The following TM4SF5 variants were observed in gnomAD, a reference collection of about 807,000 sequenced individuals.
The protein encoded by TM4SF5 is transmembrane 4 L6 family member 5.
TM4SF5 carries 16 observed loss-of-function variants against 22.3 expected under a neutral mutation model. That is an observed-to-expected ratio of 0.72 (90% CI 0.49 to 1.09). The LOEUF (loss-of-function observed/expected upper bound fraction) is 1.09, where lower values mean the gene tolerates loss of function less well. Ranked by LOEUF, TM4SF5 falls within the 50% of genes least tolerant of loss-of-function variation. The pLI is 0.00. For missense variants in TM4SF5, 249 were observed against 266.1 expected (o/e 0.94, Z 0.45); for synonymous variants, 113 against 109.6 (o/e 1.03, Z -0.19).
At chr17:4,780,901 TG>T in intron 2 of TM4SF5, 32 bp downstream of exon 2, 1 of 1,591,410 alleles carries the variant, frequency 6.3e-7, no homozygotes, top group South Asian at 1.1e-5. Context: ...AATTCAGGGC[TG>T]GGGGTGGTGT....
At chr17:4,779,307 C>G (rs1425639907) in intron 1 of TM4SF5, among the ~76,000 whole-genome samples, 1 of 148,394 alleles carries the variant, frequency 6.7e-6, no homozygotes, top group Non-Finnish European at 1.5e-5. Flanking sequence ...CGCATGCCTG[C>G]GATACCAGCT....
intron 2 of TM4SF5, among the ~76,000 whole-genome samples, chr17:4,781,986 G>T (rs1160448830): frequency 6.6e-6 from 1 of 152,072 alleles, no homozygotes; most frequent in Non-Finnish European, 1.5e-5. Context: ...AGGGAAGGGT[G>T]GGGTGGGGCC....
At position 4,772,704 on chromosome 17, in the gene TM4SF5, T is replaced by C. The variant is rs1373755826; in HGVS notation, c.177+605T>C. On this transcript the variant is annotated intron_variant, in intron 1 of 4. Coordinates refer to ENST00000270560, the MANE Select transcript of TM4SF5 (RefSeq NM_003963.3). ...AGGGGCGGAGGTGGGGGTTGGTTTT[T>C]GTGTTTGTTTTTTGTTTTTTTTTTT... 2.7e-5 allele frequency among the ~76,000 whole-genome samples: 4 copies of C among 149,874 alleles called. No individual in the cohort carries two copies. In the East Asian group the frequency reaches 7.8e-4, roughly 29 times the overall value.
chr17:4,781,160 A>AAG, intron 2 of TM4SF5, among the ~76,000 whole-genome samples: 1 of 143,552 alleles, frequency 7.0e-6, no homozygotes, highest in South Asian at 2.2e-4. Context: ...AAAAAAAAAA[A>AAG]GAAGAGAAAA....
chr17:4,773,194 C>A (rs531801549), intron 1 of TM4SF5, among the ~76,000 whole-genome samples: 13 of 151,972 alleles, frequency 8.6e-5, no homozygotes, highest in Non-Finnish European at 1.6e-4. Flanking sequence ...TGTGAGCCAC[C>A]GCCCCAGCTT....
intron 1 of TM4SF5, among the ~76,000 whole-genome samples, chr17:4,775,774 G>A (rs912901314): frequency 1.3e-5 from 2 of 152,022 alleles, no homozygotes; most frequent in Admixed American, 1.3e-4. Flanking sequence ...ACCAACAAGC[G>A]TAACCACTAT....
chr17:4,775,963 G>A (rs1310292305), intron 1 of TM4SF5, among the ~76,000 whole-genome samples: 1 of 152,042 alleles, frequency 6.6e-6, no homozygotes, highest in African/African-American at 2.4e-5. Flanking sequence ...TCATGCCTCA[G>A]CCTCCAGAGT....
rs957526576 is a variant in TM4SF5 at position 4,783,124 on chromosome 17, A to G, written c.590A>G (p.His197Arg). ...GDCRKKQDTP[H>R] is the part of the protein sequence containing the mutation. ...TTCTCTTTTCCGCAGGACACACCTC[A>G]CTGAGGCTCCACTGACCGCCGGGTT... The change falls in exon 5 of 5, where the codon CAC (histidine) becomes CGC (arginine). Residue 197 changes from histidine (H) to arginine (R), a missense_variant. By Grantham distance (29) the His-to-Arg change is conservative. Coordinates refer to ENST00000270560, the MANE Select transcript of TM4SF5 (RefSeq NM_003963.3). The G allele has an allele frequency of 3.7e-6, 6 of 1,613,520 alleles. No individual in the cohort carries two copies. The African/African-American group carries it at 8.0e-5, about 22-fold the overall frequency.
intron 1 of TM4SF5, among the ~76,000 whole-genome samples, chr17:4,775,425 A>AT (rs969240020): frequency 4.2e-4 from 61 of 144,340 alleles, no homozygotes; most frequent in South Asian, 6.6e-4. Flanking sequence ...CGCACAGCAA[A>AT]TTTTTTTTTT....
intron 2 of TM4SF5, 127 bp downstream of exon 2, chr17:4,780,996 T>C (rs1917295173): frequency 1.3e-6 from 1 of 749,894 alleles, no homozygotes; most frequent in Non-Finnish European, 2.2e-6. Flanking sequence ...CCAGGAAACA[T>C]GGCAAGATCC....
intron 1 of TM4SF5, among the ~76,000 whole-genome samples, chr17:4,780,075 G>A (rs540255260): frequency 1.5e-4 from 20 of 134,972 alleles, no homozygotes; most frequent in South Asian, 2.4e-4. Flanking sequence ...TTTTTTTTGA[G>A]ATGGAGTTTC....
At chr17:4,776,347 G>C (rs1210544897) in intron 1 of TM4SF5, among the ~76,000 whole-genome samples, 1 of 151,522 alleles carries the variant, frequency 6.6e-6, no homozygotes, top group Non-Finnish European at 1.5e-5. Context: ...TGTCACCCAG[G>C]CTGGAGTACA....
rs1917334241 is a variant in TM4SF5, at chr17:4,782,644, G to A, written c.395+5G>A. ...CTACCACTTCGAAGACACCGCGTAA[G>A]GTTTAGCCTGTATTCGTGTCCTCCA... On this transcript the variant is annotated splice_donor_5th_base_variant and intron_variant, in intron 3 of 4. Coordinates refer to ENST00000270560, the MANE Select transcript of TM4SF5 (RefSeq NM_003963.3). 1.2e-6 allele frequency: 2 copies of A among 1,613,990 alleles called. No homozygotes were observed. The highest frequency in any genetic ancestry group is 1.7e-6 in the Non-Finnish European group (2 of 1,179,996).
chr17:4,780,986 C>A, intron 2 of TM4SF5, 117 bp downstream of exon 2: 1 of 823,622 alleles, frequency 1.2e-6, no homozygotes, highest in Non-Finnish European at 1.9e-6. Context: ...CTAGACCAGC[C>A]CAGGAAACAT....
At chr17:4,775,837 T>G (rs1917194108) in intron 1 of TM4SF5, among the ~76,000 whole-genome samples, 1 of 152,066 alleles carries the variant, frequency 6.6e-6, no homozygotes, top group Non-Finnish European at 1.5e-5. Flanking sequence ...TTTACACAAA[T>G]GGAATGATAG....
At position 4,782,978 on chromosome 17, in the gene TM4SF5, G is replaced by C. The variant is rs774369501; in HGVS notation, c.520G>C (p.Gly174Arg). The change falls in exon 4 of 5, where the codon GGG becomes CGG. Residue 174 changes from glycine to arginine, a missense_variant. Coordinates refer to ENST00000270560, the MANE Select transcript of TM4SF5 (RefSeq NM_003963.3). ...AASCLEIVLC[G>R]IQLVNATIGV... ...CTCCTGCCTGGAGATAGTACTGTGT[G>C]GGATCCAGCTGGTGAACGCGACCAT... 1 of 1,614,256 alleles carries C rather than the reference G, an allele frequency of 6.2e-7. No homozygotes were observed. The highest frequency in any genetic ancestry group is 2.2e-5 in the East Asian group (1 of 44,886).
chr17:4,780,760 G>T (rs773045596), intron 1 of TM4SF5, 29 bp from the exon 2 acceptor site: 2 of 1,586,150 alleles, frequency 1.3e-6, no homozygotes, highest in Non-Finnish European at 8.6e-7. Context: ...CTGGGGGGAC[G>T]TGCTATAACA....
chr17:4,779,293 A>G (rs545292712), intron 1 of TM4SF5, among the ~76,000 whole-genome samples: 5 of 150,370 alleles, frequency 3.3e-5, no homozygotes, highest in African/African-American at 9.8e-5. Flanking sequence ...GCTGGGAATG[A>G]TGACGCATGC....
chr17:4,774,124 G>A (rs1338100771), intron 1 of TM4SF5, among the ~76,000 whole-genome samples: 2 of 152,214 alleles, frequency 1.3e-5, no homozygotes, highest in African/African-American at 4.8e-5. Flanking sequence ...GGGAGACTGA[G>A]GCAGGAGAAC....
Sources: allele counts gnomAD v4.1 joint callset (sites outside exome capture counted in the v4.1 genomes callset), GRCh38; gene constraint gnomAD v4.1.1; transcripts MANE v1.5; gene names NCBI Gene and HGNC (gene_info 2026-07-23, HGNC 2026-07-21).